Variants in RAPGEF5 observed in about 807,000 individuals in gnomAD.
RAPGEF5 encodes the protein Rap guanine nucleotide exchange factor 5, also known as M-Ras-regulated GEF.
In RAPGEF5, 65 loss-of-function variants were observed where a neutral mutation model predicts 125.2. The observed-to-expected ratio is 0.52, with a 90% CI of 0.43 to 0.64. The LOEUF (loss-of-function observed/expected upper bound fraction) is 0.64. Ranked by LOEUF, RAPGEF5 falls within the 30% of genes least tolerant of loss-of-function variation. RAPGEF5 has a pLI of 0.00. For synonymous variants in RAPGEF5, 391 were observed against 385.9 expected (o/e 1.01, Z -0.16); for missense variants, 958 against 1,048.1 (o/e 0.91, Z 1.19).
intron 11 of RAPGEF5, among the ~76,000 whole-genome samples, chr7:22,186,345 T>C (rs1784826080): frequency 6.6e-6 from 1 of 152,244 alleles, no homozygotes; most frequent in Admixed American, 6.5e-5. Flanking sequence ...GTATTTCTTT[T>C]GATTCTGAAC....
chr7:22,129,902 A>G (rs6950173), intron 24 of RAPGEF5, among the ~76,000 whole-genome samples: 31,204 of 151,848 alleles, frequency 0.21, 3,839 homozygotes, highest in African/African-American at 0.35. Flanking sequence ...AAGCTGCTTC[A>G]CCCTACATGT....
chr7:22,309,441 GT>G (rs1209909124), intron 4 of RAPGEF5, among the ~76,000 whole-genome samples: 2 of 152,180 alleles, frequency 1.3e-5, no homozygotes, highest in Non-Finnish European at 2.9e-5. Flanking sequence ...TAATCCTTCA[GT>G]TCTCTGGGCT....
At chr7:22,127,317 G>C (rs947278384) in intron 24 of RAPGEF5, among the ~76,000 whole-genome samples, 1 of 152,096 alleles carries the variant, frequency 6.6e-6, no homozygotes, top group Non-Finnish European at 1.5e-5. Flanking sequence ...GGGATTACAG[G>C]CATCAGCCAC....
chr7:22,280,522 C>T (rs1430382007), intron 6 of RAPGEF5, among the ~76,000 whole-genome samples: 1 of 152,128 alleles, frequency 6.6e-6, no homozygotes, highest in Non-Finnish European at 1.5e-5. Context: ...ATGGAGACTG[C>T]TCTGAGAAAG....
intron 9 of RAPGEF5, among the ~76,000 whole-genome samples, chr7:22,195,972 T>C (rs1785139325): frequency 6.6e-6 from 1 of 152,184 alleles, no homozygotes; most frequent in African/African-American, 2.4e-5. Context: ...CACATACATA[T>C]GGATGGGAAG....
At chr7:22,257,376 C>T (rs879739898) in intron 7 of RAPGEF5, among the ~76,000 whole-genome samples, 1 of 152,192 alleles carries the variant, frequency 6.6e-6, no homozygotes, top group Non-Finnish European at 1.5e-5. Context: ...CGTTTGATCA[C>T]CTCCTAAAAT....
At chr7:22,166,069 C>CATAT (rs1187444990) in intron 12 of RAPGEF5, among the ~76,000 whole-genome samples, 35 of 145,114 alleles carry the variant, frequency 2.4e-4, no homozygotes, top group Non-Finnish European at 3.9e-4. Context: ...ATATTATATA[C>CATAT]ATATATATGT....
intron 5 of RAPGEF5, among the ~76,000 whole-genome samples, chr7:22,306,163 C>A (rs976574972): frequency 6.6e-6 from 1 of 152,220 alleles, no homozygotes; most frequent in African/African-American, 2.4e-5. Context: ...TACATTCCCA[C>A]CAACAGTGTA....
intron 20 of RAPGEF5, among the ~76,000 whole-genome samples, chr7:22,141,380 T>C (rs7796738): frequency 0.95 from 144,994 of 152,288 alleles, 69,152 homozygotes; most frequent in East Asian, 0.99. Context: ...AAAGCTATAC[T>C]GATTCCCAGC....
At chr7:22,268,171 T>C (rs949772036) in intron 6 of RAPGEF5, among the ~76,000 whole-genome samples, 2 of 152,210 alleles carry the variant, frequency 1.3e-5, no homozygotes, top group Non-Finnish European at 1.5e-5. Flanking sequence ...ATTTAGCTGA[T>C]TCTTTGACAC....
At chr7:22,217,859 G>C (rs764150104) in intron 9 of RAPGEF5, among the ~76,000 whole-genome samples, 1 of 152,146 alleles carries the variant, frequency 6.6e-6, no homozygotes, top group Non-Finnish European at 1.5e-5. Context: ...TGAAATGAAG[G>C]TTTAAAGGTG....
chr7:22,131,721 T>C (rs1174539556), intron 23 of RAPGEF5, among the ~76,000 whole-genome samples: 1 of 152,174 alleles, frequency 6.6e-6, no homozygotes, highest in Non-Finnish European at 1.5e-5. Context: ...AGGAGGAAAG[T>C]ACAATGAAAG....
chr7:22,355,469 A>G (rs555441574), intron 1 of RAPGEF5, among the ~76,000 whole-genome samples: 1 of 152,202 alleles, frequency 6.6e-6, no homozygotes, highest in Non-Finnish European at 1.5e-5. Context: ...TGCAAAGTCT[A>G]TAACTCCAGT....
chr7:22,147,238 G>A (rs932176683), intron 18 of RAPGEF5, among the ~76,000 whole-genome samples: 1 of 152,134 alleles, frequency 6.6e-6, no homozygotes, highest in African/African-American at 2.4e-5. Context: ...CAGTGAGTTC[G>A]CCCGCTCCTC....
At chr7:22,161,321 G>A (rs951106886) in intron 13 of RAPGEF5, among the ~76,000 whole-genome samples, 8 of 152,156 alleles carry the variant, frequency 5.3e-5, no homozygotes, top group African/African-American at 1.9e-4. Flanking sequence ...AGGGAGAACT[G>A]CTTGAGCTGA....
intron 7 of RAPGEF5, among the ~76,000 whole-genome samples, chr7:22,249,966 C>T (rs1010437634): frequency 6.6e-6 from 1 of 152,176 alleles, no homozygotes; most frequent in African/African-American, 2.4e-5. Flanking sequence ...TTAAATTTGA[C>T]GACCACTGCT....
chr7:22,297,134 G>GATATAGGGAAATATATATATATAGGAAAT (rs1783080867), intron 5 of RAPGEF5, among the ~76,000 whole-genome samples: 1 of 152,168 alleles, frequency 6.6e-6, no homozygotes, highest in African/African-American at 2.4e-5. Flanking sequence ...GCTAGAGGGA[G>GATATAGGGAAATATATATATATAGGAAAT]ATATAGGGAA....
intron 7 of RAPGEF5, among the ~76,000 whole-genome samples, chr7:22,237,467 C>T (rs1252202262): frequency 6.9e-5 from 9 of 130,062 alleles, no homozygotes; most frequent in Non-Finnish European, 1.1e-4. Flanking sequence ...AACCTTTAGG[C>T]TTCTCAAAAA....
At chr7:22,291,101 C>T in intron 6 of RAPGEF5, 74 bp downstream of exon 6, 2 of 1,471,298 alleles carry the variant, frequency 1.4e-6, no homozygotes, top group South Asian at 1.4e-5. Flanking sequence ...ACACCATCAC[C>T]CAAAGAACTT....
Sources: gnomAD v4.1 joint callset for allele counts (sites outside exome capture counted in the v4.1 genomes callset) on GRCh38, gnomAD v4.1.1 for gene constraint, MANE v1.5 for transcripts, NCBI Gene and HGNC (gene_info 2026-07-23, HGNC 2026-07-21) for gene names.